FTO: variants seen among roughly 807,000 people sequenced by gnomAD.
FTO encodes the protein FTO alpha-ketoglutarate dependent dioxygenase.
Under a neutral mutation model 63.9 loss-of-function variants are expected in FTO, and 47 were observed. The ratio of observed to expected loss-of-function variants is 0.74; its 90% CI spans 0.58 to 0.94. FTO has a LOEUF of 0.94. FTO is among the 40% of genes least tolerant of loss of function. The pLI, the probability that FTO is intolerant of heterozygous loss-of-function variation, is 0.00. For synonymous variants in FTO, 207 were observed against 224.4 expected, an observed-to-expected ratio of 0.92 and a Z score of 0.69; for missense variants, 562 against 618.1, an observed-to-expected ratio of 0.91 and a Z score of 0.96.
rs558119101 is a variant in FTO, at chr16:53,978,372, A to G, written c.1364+44263A>G. ...GCAGTGTGAAACATCAAGCTATTTC[A>G]AAATTTAATCTTAGTTTTCACAGCT... On this transcript the variant is annotated intron_variant, in intron 8 of 8. Transcript: ENST00000471389. 2.7e-4 allele frequency among the ~76,000 whole-genome samples: 41 copies of G among 152,358 alleles called. No homozygotes were observed. The Middle Eastern group carries it at 0.017, about 63-fold the overall frequency.
rs556357629 is a variant in FTO at position 53,815,636 on chromosome 16, G to GTTTTTTTTTTTTTTTTTTTTTT, written c.123+5428_123+5449dup. On this transcript the variant is annotated intron_variant, in intron 2 of 8. Transcript: ENST00000471389. Reference sequence around the variant, plus strand: ...ACCCTATAAGGCCATTGACTTTCTTGTTTTTTTTTTTTTTTTTTTTTTTTT... The same window carrying GTTTTTTTTTTTTTTTTTTTTTT: ...ACCCTATAAGGCCATTGACTTTCTTGTTTTTTTTTTTTTTTTTTTTTTTTTTTTTTTTTTTTTTTTTTTTTTT... 5.1e-5 allele frequency among the ~76,000 whole-genome samples: 5 copies of GTTTTTTTTTTTTTTTTTTTTTT among 98,158 alleles called. 1 individual carries two copies. Among genetic ancestry groups the GTTTTTTTTTTTTTTTTTTTTTT allele is most frequent in the African/African-American group, 2.2e-4 (4 of 18,544 alleles). 64.4% of individuals were successfully genotyped at this position (98,158 alleles called of 152,430 possible).
intron 7 of FTO, among the ~76,000 whole-genome samples, chr16:53,890,860 T>A (rs2081126364): frequency 6.6e-6 from 1 of 152,210 alleles, no homozygotes; most frequent in Non-Finnish European, 1.5e-5. Flanking sequence ...TCTGATTTTG[T>A]CCATTTACAT....
chr16:54,033,563 A>G (rs1306008134), intron 8 of FTO, among the ~76,000 whole-genome samples: 1 of 152,170 alleles, frequency 6.6e-6, no homozygotes, highest in African/African-American at 2.4e-5. Flanking sequence ...CATGCCTGTA[A>G]TCTCAGCACT....
chr16:54,101,635 G>A (rs1465073953), intron 8 of FTO, among the ~76,000 whole-genome samples: 5 of 152,150 alleles, frequency 3.3e-5, no homozygotes, highest in African/African-American at 1.2e-4. Flanking sequence ...TTGCATGCAT[G>A]TGTCTTTATG....
At chr16:54,070,317 G>A (rs755764989) in intron 8 of FTO, 15 of 151,950 alleles carry the variant, frequency 9.9e-5, no homozygotes, top group Admixed American at 2.0e-4. Context: ...TTTGATTAAA[G>A]GCAATTCATT....
At chr16:53,711,704 G>C (rs1033072522) in intron 1 of FTO, among the ~76,000 whole-genome samples, 1 of 152,108 alleles carries the variant, frequency 6.6e-6, no homozygotes, top group Non-Finnish European at 1.5e-5. Flanking sequence ...TGCTGGCTTA[G>C]GTTAGATAAT....
chr16:53,931,182 A>T (rs1158993956), intron 7 of FTO, among the ~76,000 whole-genome samples: 1 of 152,162 alleles, frequency 6.6e-6, no homozygotes, highest in African/African-American at 2.4e-5. Flanking sequence ...ACAGGGGGGA[A>T]AAATTTTGTT....
intron 8 of FTO, among the ~76,000 whole-genome samples, chr16:53,979,031 C>T (rs1599133706): frequency 1.3e-5 from 2 of 152,008 alleles, no homozygotes; most frequent in East Asian, 3.9e-4. Flanking sequence ...CATAATCCTA[C>T]CACCCAGAAG....
chr16:53,754,806 T>C lies in FTO; in HGVS notation c.45+50577T>C, dbSNP rs113265667. ...TTAAAATTTTATTTACTTTCATGAT[T>C]ATCCAAGAAGTAACAAATCTTTTTT... On this transcript the variant is annotated intron_variant, in intron 1 of 8. Transcript: ENST00000471389. Among the ~76,000 whole-genome samples the C allele has an allele frequency of 9.6e-3, 1,461 of 152,370 alleles. 22 individuals are homozygous for C. Among genetic ancestry groups the C allele is most frequent in the East Asian group, 0.041 (212 of 5,192 alleles).
rs1222688320 is a variant in FTO, at chr16:54,118,917, T to G, written c.*7002T>G. ...GGAGAGAAATTATTATTATTCGTTT[T>G]GTGAAACCAATTTAGTTTGGCTGGG... On this transcript the variant is annotated 3_prime_UTR_variant, in exon 9 of 9. Transcript: ENST00000471389. 2 of 152,242 alleles carry G rather than the reference T, an allele frequency of 1.3e-5. No individual in the cohort carries two copies. Among genetic ancestry groups the G allele is most frequent in the East Asian group, 3.8e-4 (2 of 5,202 alleles). The allele number at this position is 152,242 out of a possible 1,614,324, so 9.4% of individuals were successfully genotyped here.
At chr16:54,037,914 T>A (rs2084980365) in intron 8 of FTO, among the ~76,000 whole-genome samples, 1 of 152,244 alleles carries the variant, frequency 6.6e-6, no homozygotes, top group Non-Finnish European at 1.5e-5. Context: ...AACACCATCA[T>A]TAAATTATTT....
intron 4 of FTO, among the ~76,000 whole-genome samples, chr16:53,872,562 G>A (rs2080531035): frequency 6.6e-6 from 1 of 152,140 alleles, no homozygotes; most frequent in South Asian, 2.1e-4. Context: ...CTTCTCCATG[G>A]GATTATATCT....
At chr16:54,053,094 G>A (rs1348433839) in intron 8 of FTO, among the ~76,000 whole-genome samples, 1 of 152,192 alleles carries the variant, frequency 6.6e-6, no homozygotes, top group Non-Finnish European at 1.5e-5. Context: ...AGTATATTTT[G>A]CTGTAGCAGA....
intron 3 of FTO, among the ~76,000 whole-genome samples, chr16:53,839,571 TG>T (rs1298582896): frequency 6.6e-6 from 1 of 152,104 alleles, no homozygotes; most frequent in Non-Finnish European, 1.5e-5. Context: ...TTGCAATTAT[TG>T]TCTCTAATTG....
In FTO at chr16:54,119,560, A is replaced by G. The variant is rs978245670; in HGVS notation, c.*7645A>G. On this transcript the variant is annotated 3_prime_UTR_variant, in exon 9 of 9. Transcript: ENST00000471389. The stretch of plus-strand genomic sequence containing the variant: ...CCCTCCTCTGCTCCCAACCAGGGTC[A>G]CGCTGAGAGGGATCTCGGTGAACAT... The G allele has an allele frequency of 5.9e-5, 9 of 151,840 alleles. No homozygotes were observed. Among genetic ancestry groups the G allele is most frequent in the African/African-American group, 2.2e-4 (9 of 41,318 alleles). The allele number at this position is 151,840 out of a possible 1,614,324, so 9.4% of individuals were successfully genotyped here.
chr16:53,724,758 T>A (rs1034281736), intron 1 of FTO, among the ~76,000 whole-genome samples: 13 of 152,154 alleles, frequency 8.5e-5, no homozygotes, highest in Non-Finnish European at 1.9e-4. Context: ...CATGAAAGGA[T>A]GAAGTGGGGA....
intron 3 of FTO, among the ~76,000 whole-genome samples, chr16:53,842,145 C>A (rs1380611815): frequency 6.6e-6 from 1 of 152,186 alleles, no homozygotes; most frequent in African/African-American, 2.4e-5. Flanking sequence ...TGAATGCCTT[C>A]TCTGTGCCAG....
At chr16:54,066,014 T>A (rs546314234) in intron 8 of FTO, among the ~76,000 whole-genome samples, 1 of 152,346 alleles carries the variant, frequency 6.6e-6, no homozygotes, top group African/African-American at 2.4e-5. Context: ...CAGAGCTGTT[T>A]AGACTAGCCA....
chr16:54,070,094 A>G (rs549310032), intron 8 of FTO: 1 of 152,234 alleles, frequency 6.6e-6, no homozygotes, highest in East Asian at 1.9e-4. Context: ...GCATCTAGTA[A>G]GCAATCAATA....
Sources: gnomAD v4.1 joint callset for allele counts (sites outside exome capture counted in the v4.1 genomes callset) on GRCh38, gnomAD v4.1.1 for gene constraint, MANE v1.5 for transcripts, NCBI Gene and HGNC (gene_info 2026-07-23, HGNC 2026-07-21) for gene names.